The following TSPAN9 variants were observed in gnomAD, a reference collection of about 807,000 sequenced individuals.
TSPAN9 encodes the protein tetraspanin 9.
A neutral mutation model predicts 31.0 loss-of-function variants in TSPAN9; 16 were observed. The observed-to-expected ratio is 0.52, with a 90% confidence interval of 0.35 to 0.78. The LOEUF (loss-of-function observed/expected upper bound fraction) is 0.78, where lower values mean the gene tolerates loss of function less well. Ranked by LOEUF, TSPAN9 falls within the 30% of genes least tolerant of loss-of-function variation. TSPAN9 has a pLI of 0.01. For synonymous variants in TSPAN9, 145 were observed against 121.6 expected (o/e 1.19, Z -1.27); for missense variants, 272 against 312.5 (o/e 0.87, Z 0.98).
At chr12:3,272,584 G>A (rs926192319) in intron 3 of TSPAN9, among the ~76,000 whole-genome samples, 1 of 151,912 alleles carries the variant, frequency 6.6e-6, no homozygotes, top group African/African-American at 2.4e-5. Flanking sequence ...AGGGTAGGCA[G>A]CAAGTCTACA....
At chr12:3,204,873 C>T (rs1591675458) in intron 3 of TSPAN9, among the ~76,000 whole-genome samples, 1 of 152,216 alleles carries the variant, frequency 6.6e-6, no homozygotes, top group East Asian at 1.9e-4. Context: ...CTCAGTCAGC[C>T]CCATCTCTGG....
intron 3 of TSPAN9, among the ~76,000 whole-genome samples, chr12:3,205,718 GC>G (rs60604328): frequency 0.29 from 29,605 of 100,572 alleles, 3,355 homozygotes; most frequent in Non-Finnish European, 0.4. Flanking sequence ...AGGCACTTAG[GC>G]CCCCCCCCCC....
intron 3 of TSPAN9, among the ~76,000 whole-genome samples, chr12:3,272,253 T>TG (rs1383070298): frequency 6.6e-6 from 1 of 152,078 alleles, no homozygotes; most frequent in African/African-American, 2.4e-5. Flanking sequence ...CTGAGGGCAC[T>TG]GGGGGTTCCA....
chr12:3,145,831 G>T (rs1267374348), intron 2 of TSPAN9, among the ~76,000 whole-genome samples: 1 of 152,246 alleles, frequency 6.6e-6, no homozygotes, highest in African/African-American at 2.4e-5. Context: ...AAGGCCTGGC[G>T]TGGTGGCCAG....
Position 3,168,386 on chromosome 12 carries a change from G to A in TSPAN9, c.-17-32791G>A, listed in dbSNP as rs1004153653. ...AATCTGTGCCTTCGCAATATGTTCC[G>A]GGTGCTGTAGGGGTGCTGGGTGAAC... On this transcript the variant is annotated intron_variant, in intron 2 of 8. Transcript: ENST00000011898. The surrounding 1 kb of genome is among the most constrained non-coding windows in gnomAD (Gnocchi z 4.0). 6.6e-6 allele frequency among the ~76,000 whole-genome samples: 1 copy of A among 152,138 alleles called. No individual in the cohort carries two copies. The highest frequency in any genetic ancestry group is 1.9e-4 in the East Asian group (1 of 5,190).
Position 3,260,579 on chromosome 12 carries a change from A to G in TSPAN9, c.64-17842A>G, listed in dbSNP as rs539773649. Among the ~76,000 whole-genome samples, 9 of 152,348 alleles carry G rather than the reference A, an allele frequency of 5.9e-5. No homozygotes were observed. The East Asian group carries it at 1.7e-3, about 29-fold the overall frequency. ...AAAATATCTCTCGGGATCCTACTCT[A>G]CGCGAGGCACCGTAGGAGATGCAAA... On this transcript the variant is annotated intron_variant, in intron 3 of 8. Coordinates refer to ENST00000011898, the MANE Select transcript of TSPAN9 (RefSeq NM_006675.5).
intron 2 of TSPAN9, among the ~76,000 whole-genome samples, chr12:3,194,499 G>A (rs781348117): frequency 2.0e-5 from 3 of 152,044 alleles, no homozygotes; most frequent in African/African-American, 4.8e-5. Context: ...TGATCCTCCC[G>A]CCTCAGCCTC....
At chr12:3,182,485 A>G (rs940637118) in intron 2 of TSPAN9, among the ~76,000 whole-genome samples, 1 of 149,340 alleles carries the variant, frequency 6.7e-6, no homozygotes, top group Non-Finnish European at 1.5e-5. Context: ...TTTTCACTAG[A>G]TACCACCAGA....
At chr12:3,095,637 C>CG (rs2098307991) in intron 2 of TSPAN9, among the ~76,000 whole-genome samples, 1 of 143,090 alleles carries the variant, frequency 7.0e-6, no homozygotes, top group South Asian at 2.3e-4. Flanking sequence ...GGCTGACCCC[C>CG]CCCACCTCCC....
chr12:3,276,487 C>T (rs974345929), intron 3 of TSPAN9, among the ~76,000 whole-genome samples: 20 of 152,196 alleles, frequency 1.3e-4, no homozygotes, highest in Non-Finnish European at 2.2e-4. Context: ...CTTCCCACTC[C>T]GGGGCTTTTG....
intron 2 of TSPAN9, among the ~76,000 whole-genome samples, chr12:3,118,260 T>TTTG (rs60435651): frequency 0.16 from 11,727 of 71,234 alleles, 1,911 homozygotes; most frequent in Non-Finnish European, 0.2. Context: ...CCCGCCGTTT[T>TTTG]TTTTTTTTTT....
chr12:3,245,700 C>T (rs1269674461), intron 3 of TSPAN9, among the ~76,000 whole-genome samples: 1 of 152,202 alleles, frequency 6.6e-6, no homozygotes, highest in East Asian at 1.9e-4. Context: ...CAACCCCCAA[C>T]ACGCTTTGCT....
chr12:3,109,268 CTG>C (rs1226380985), intron 2 of TSPAN9, among the ~76,000 whole-genome samples: 38 of 119,352 alleles, frequency 3.2e-4, no homozygotes, highest in South Asian at 1.5e-3. Context: ...TTCATATAGT[CTG>C]TGTGTGTGTG....
intron 2 of TSPAN9, among the ~76,000 whole-genome samples, chr12:3,162,878 G>A (rs755957855): frequency 7.9e-5 from 12 of 152,144 alleles, no homozygotes; most frequent in Admixed American, 1.3e-4. Context: ...GGCAGCCCTG[G>A]AGGCCCCAGG....
chr12:3,202,375 C>CT (rs778831397), intron 3 of TSPAN9, among the ~76,000 whole-genome samples: 3 of 152,252 alleles, frequency 2.0e-5, no homozygotes, highest in East Asian at 3.9e-4. Flanking sequence ...GCAGTTGTGC[C>CT]GAAGAGGCAT....
At chr12:3,203,456 C>A (rs1357112045) in intron 3 of TSPAN9, among the ~76,000 whole-genome samples, 1 of 152,220 alleles carries the variant, frequency 6.6e-6, no homozygotes, top group South Asian at 2.1e-4. Flanking sequence ...ACAAGCAATT[C>A]TTCCCATCTT....
intron 3 of TSPAN9, among the ~76,000 whole-genome samples, chr12:3,220,540 C>T (rs990323413): frequency 3.3e-5 from 5 of 152,298 alleles, no homozygotes; most frequent in Admixed American, 6.5e-5. Flanking sequence ...GGTGAAGCTT[C>T]GTCGATTCTG....
chr12:3,167,314 G>A (rs2098349003), intron 2 of TSPAN9, among the ~76,000 whole-genome samples: 1 of 152,176 alleles, frequency 6.6e-6, no homozygotes, highest in Non-Finnish European at 1.5e-5. Flanking sequence ...GAACATAGAT[G>A]GAGGTTTTTA....
chr12:3,244,426 C>T (rs1253379370), intron 3 of TSPAN9, among the ~76,000 whole-genome samples: 2 of 152,244 alleles, frequency 1.3e-5, no homozygotes, highest in South Asian at 4.1e-4. Context: ...GAGGCCATGT[C>T]CTTATTCTCT....
Sources: allele counts gnomAD v4.1 joint callset (sites outside exome capture counted in the v4.1 genomes callset), GRCh38; gene constraint gnomAD v4.1.1; non-coding constraint Gnocchi (gnomAD v3.1); transcripts MANE v1.5; gene names NCBI Gene and HGNC (gene_info 2026-07-23, HGNC 2026-07-21).